NTRK3: variants seen among roughly 807,000 people sequenced by gnomAD.
The protein encoded by NTRK3 is neurotrophic receptor tyrosine kinase 3.
NTRK3 carries 24 observed loss-of-function variants against 91.7 expected under a neutral mutation model. The ratio of observed to expected loss-of-function variants is 0.26; its 90% CI spans 0.19 to 0.37. The LOEUF (loss-of-function observed/expected upper bound fraction) is 0.37. NTRK3 is among the 10% of genes least tolerant of loss of function. The pLI, the probability that NTRK3 is intolerant of heterozygous loss-of-function variation, is 1.00. For missense variants in NTRK3, 880 were observed against 1,068.9 expected, an observed-to-expected ratio of 0.82 and a Z score of 2.46; for synonymous variants, 483 against 404.0, an observed-to-expected ratio of 1.20 and a Z score of -2.34.
rs567236366 is a variant in NTRK3 at position 88,024,994 on chromosome 15, C to T, written c.1585+7863G>A. On this transcript the variant is annotated intron_variant, in intron 14 of 18. Transcript: ENST00000394480. ...TAAGAATTACACAGTCATCAGTTAC[C>T]GGTATACTTTAGAGCAGAAGAGAGA... Among the ~76,000 whole-genome samples the T allele has an allele frequency of 5.8e-4, 88 of 152,246 alleles. 2 individuals carry two copies. In the South Asian group the frequency reaches 0.011, roughly 18 times the overall value.
intron 11 of NTRK3, among the ~76,000 whole-genome samples, chr15:88,128,382 G>A (rs901503363): frequency 3.3e-5 from 5 of 152,108 alleles, no homozygotes; most frequent in African/African-American, 9.7e-5. Flanking sequence ...CAACTAAGAT[G>A]ATCAATAGGG....
intron 3 of NTRK3, among the ~76,000 whole-genome samples, chr15:88,208,115 C>T (rs2048949037): frequency 6.6e-6 from 1 of 152,124 alleles, no homozygotes; most frequent in Non-Finnish European, 1.5e-5. Flanking sequence ...TGGATCATAA[C>T]CAAGGAAGTG....
intron 17 of NTRK3, among the ~76,000 whole-genome samples, chr15:87,911,982 C>T (rs975748978): frequency 3.9e-5 from 6 of 152,176 alleles, no homozygotes; most frequent in Admixed American, 2.6e-4. Flanking sequence ...CTTCTTGCAA[C>T]ACATTTCAAG....
intron 3 of NTRK3, among the ~76,000 whole-genome samples, chr15:88,247,372 G>A (rs988377596): frequency 6.6e-6 from 1 of 152,138 alleles, no homozygotes; most frequent in Admixed American, 6.5e-5. Context: ...TGGGCGATTG[G>A]GCCAAATCAA....
chr15:88,010,359 A>G (rs906773565), intron 14 of NTRK3, among the ~76,000 whole-genome samples: 3 of 152,124 alleles, frequency 2.0e-5, no homozygotes, highest in African/African-American at 7.2e-5. Flanking sequence ...CTTCTCTACA[A>G]TTTCTCATTC....
At chr15:88,033,176 TTA>T (rs149279639) in intron 13 of NTRK3, 131 bp from the exon 14 acceptor site, 13,143 of 193,454 alleles carry the variant, frequency 0.068, 1,198 homozygotes, top group Admixed American at 0.13. Flanking sequence ...GGGGGGTGTG[TTA>T]TATATATATA....
chr15:87,955,045 T>C (rs1270966963), intron 14 of NTRK3, among the ~76,000 whole-genome samples: 1 of 152,212 alleles, frequency 6.6e-6, no homozygotes, highest in East Asian at 1.9e-4. Context: ...TGACATGACA[T>C]TGCATTTGGG....
intron 14 of NTRK3, among the ~76,000 whole-genome samples, chr15:87,959,468 G>C (rs763014985): frequency 1.3e-5 from 2 of 152,162 alleles, no homozygotes; most frequent in African/African-American, 2.4e-5. Flanking sequence ...CAGCAGATCC[G>C]AATTCTGAAA....
chr15:87,890,558 A>G (rs111693666), intron 17 of NTRK3, among the ~76,000 whole-genome samples: 19 of 137,504 alleles, frequency 1.4e-4, no homozygotes, highest in African/African-American at 4.8e-4. Context: ...AGCATTACCA[A>G]TGCTTGTTCT....
chr15:87,947,756 A>C (rs1028323582), intron 14 of NTRK3, among the ~76,000 whole-genome samples: 3 of 152,204 alleles, frequency 2.0e-5, no homozygotes, highest in African/African-American at 7.2e-5. Flanking sequence ...TTTTCTCTGC[A>C]CTAACCAGAC....
rs1018576693 is a variant in NTRK3, at chr15:88,234,540, C to T, written c.248+21366G>A. Among the ~76,000 whole-genome samples the T allele has an allele frequency of 1.3e-5, 2 of 152,170 alleles. No individual in the cohort carries two copies. Among genetic ancestry groups the T allele is most frequent in the African/African-American group, 2.4e-5 (1 of 41,438 alleles). On this transcript the variant is annotated intron_variant, in intron 3 of 18. Transcript: ENST00000394480. The surrounding 1 kb of genome is among the most constrained non-coding windows in gnomAD (Gnocchi z 6.1). The stretch of plus-strand genomic sequence containing the variant: ...TGCTCCCTCCTCTAGACTAGCTCTC[C>T]ATCGCCTCTGCCCTCGCCATGTTGC...
chr15:88,168,796 G>C (rs185949677), intron 5 of NTRK3, among the ~76,000 whole-genome samples: 209 of 152,352 alleles, frequency 1.4e-3, no homozygotes, highest in African/African-American at 4.8e-3. Context: ...CTCCTGAGAG[G>C]CACCAGCACA....
chr15:88,101,459 C>T (rs539563129), intron 13 of NTRK3, among the ~76,000 whole-genome samples: 19 of 152,280 alleles, frequency 1.2e-4, no homozygotes, highest in Middle Eastern at 3.4e-3. Flanking sequence ...GTCAGTGTGG[C>T]GATTCCTCAG....
intron 6 of NTRK3, among the ~76,000 whole-genome samples, chr15:88,145,182 C>G (rs949511491): frequency 7.9e-5 from 12 of 152,160 alleles, no homozygotes; most frequent in African/African-American, 2.9e-4. Context: ...AAATACTACC[C>G]CCTCTTCCAT....
chr15:88,075,799 G>C (rs766915030), intron 13 of NTRK3, among the ~76,000 whole-genome samples: 1 of 152,206 alleles, frequency 6.6e-6, no homozygotes, highest in Non-Finnish European at 1.5e-5. Flanking sequence ...GGGGCAGGGG[G>C]TGTCACATGA....
chr15:87,898,987 C>T (rs750265701), intron 17 of NTRK3, among the ~76,000 whole-genome samples: 40 of 152,048 alleles, frequency 2.6e-4, no homozygotes, highest in Admixed American at 2.6e-4. Flanking sequence ...TATTTATAAG[C>T]GAACAATACT....
chr15:87,865,897 A>C (rs951514568), exon 19 of NTRK3: 3 of 229,916 alleles, frequency 1.3e-5, no homozygotes, highest in African/African-American at 2.2e-5. Flanking sequence ...CTAATGGCAA[A>C]ACTTCTAAAA....
At chr15:88,159,410 G>C (rs567544953) in intron 5 of NTRK3, among the ~76,000 whole-genome samples, 1 of 152,274 alleles carries the variant, frequency 6.6e-6, no homozygotes, top group South Asian at 2.1e-4. Context: ...ATCACCTGGA[G>C]GCTTGGAAAA....
At chr15:88,167,356 C>CT (rs2045062739) in intron 5 of NTRK3, among the ~76,000 whole-genome samples, 1 of 152,106 alleles carries the variant, frequency 6.6e-6, no homozygotes. Flanking sequence ...GATGAGTCTC[C>CT]TCCCAGGTGT....
Sources: gnomAD v4.1 joint callset for allele counts (sites outside exome capture counted in the v4.1 genomes callset) on GRCh38, gnomAD v4.1.1 for gene constraint, Gnocchi (gnomAD v3.1) non-coding constraint, MANE v1.5 for transcripts, NCBI Gene and HGNC (gene_info 2026-07-23, HGNC 2026-07-21) for gene names.